The following MAGI2 variants were observed in gnomAD, a reference collection of about 807,000 sequenced individuals.
MAGI2 encodes the protein membrane associated guanylate kinase, WW and PDZ domain containing 2.
A neutral mutation model predicts 133.3 loss-of-function variants in MAGI2; 35 were observed. That is an observed-to-expected ratio of 0.26 (90% CI 0.20 to 0.35). The LOEUF (loss-of-function observed/expected upper bound fraction) is 0.35, where lower values mean the gene tolerates loss of function less well. MAGI2 is among the 10% of genes least tolerant of loss of function. The pLI, the probability that MAGI2 is intolerant of heterozygous loss-of-function variation, is 1.00. For synonymous variants in MAGI2, 729 were observed against 710.6 expected (o/e 1.03, Z -0.41); for missense variants, 1,636 against 1,863.4 (o/e 0.88, Z 2.25).
intron 6 of MAGI2, among the ~76,000 whole-genome samples, chr7:78,396,034 A>T (rs776708530): frequency 6.6e-6 from 1 of 152,214 alleles, no homozygotes; most frequent in Non-Finnish European, 1.5e-5. Context: ...TTAAATCTCC[A>T]GCTCTAGCCC....
At chr7:79,256,013 G>A (rs1486840522) in intron 1 of MAGI2, among the ~76,000 whole-genome samples, 4 of 152,128 alleles carry the variant, frequency 2.6e-5, no homozygotes, top group African/African-American at 7.2e-5. Context: ...AAGCCAAAAT[G>A]CAGCATCATT....
intron 1 of MAGI2, among the ~76,000 whole-genome samples, chr7:79,007,467 G>C (rs1047755250): frequency 6.6e-6 from 1 of 151,998 alleles, no homozygotes; most frequent in African/African-American, 2.4e-5. Context: ...CCTATATCAT[G>C]GTAAAAGATA....
At chr7:79,452,749 T>C in intron 1 of MAGI2, 1 of 416,684 alleles carries the variant, frequency 2.4e-6, no homozygotes, top group Non-Finnish European at 4.2e-6. Flanking sequence ...CCAGCAGCTC[T>C]GAGGAGGTCA....
intron 3 of MAGI2, among the ~76,000 whole-genome samples, chr7:78,607,498 TAAAA>T (rs11318579): frequency 1.1e-4 from 16 of 139,556 alleles, no homozygotes; most frequent in African/African-American, 4.0e-4. Context: ...AAGTCAAACT[TAAAA>T]AAAAAAAAAA....
At chr7:79,173,389 G>A (rs1348195991) in intron 1 of MAGI2, among the ~76,000 whole-genome samples, 1 of 151,768 alleles carries the variant, frequency 6.6e-6, no homozygotes, top group East Asian at 1.9e-4. Context: ...GCAATGGCAC[G>A]ATCATAACTC....
chr7:79,095,172 C>T (rs1047706655), intron 1 of MAGI2, among the ~76,000 whole-genome samples: 1 of 152,188 alleles, frequency 6.6e-6, no homozygotes, highest in Non-Finnish European at 1.5e-5. Flanking sequence ...CTGCGAACTT[C>T]CAACTTTTCA....
At chr7:78,916,545 T>C (rs1459697126) in intron 2 of MAGI2, among the ~76,000 whole-genome samples, 2 of 152,110 alleles carry the variant, frequency 1.3e-5, no homozygotes, top group South Asian at 4.1e-4. Flanking sequence ...TTCACCCTAT[T>C]TGAGGGTCTG....
At chr7:78,874,610 A>T (rs1267793995) in intron 2 of MAGI2, among the ~76,000 whole-genome samples, 1 of 152,224 alleles carries the variant, frequency 6.6e-6, no homozygotes. Context: ...AGAGAGTAGA[A>T]TATCAGTTAC....
At chr7:78,901,141 C>T (rs1189398030) in intron 2 of MAGI2, 1 of 152,138 alleles carries the variant, frequency 6.6e-6, no homozygotes, top group African/African-American at 2.4e-5. Context: ...GTGAAAAAGA[C>T]CCCACTGTAA....
intron 6 of MAGI2, among the ~76,000 whole-genome samples, chr7:78,452,578 AC>A (rs917472894): frequency 2.6e-4 from 39 of 152,056 alleles, no homozygotes; most frequent in African/African-American, 7.2e-4. Flanking sequence ...TGGGAAAAAA[AC>A]CAAGTATGCA....
At chr7:78,163,785 T>C (rs753412876) in intron 15 of MAGI2, among the ~76,000 whole-genome samples, 5 of 151,434 alleles carry the variant, frequency 3.3e-5, no homozygotes, top group Non-Finnish European at 7.4e-5. Context: ...TGGTCGCCTG[T>C]AGTCCCAGCT....
At chr7:79,174,205 C>T (rs1585118226) in intron 1 of MAGI2, among the ~76,000 whole-genome samples, 1 of 151,908 alleles carries the variant, frequency 6.6e-6, no homozygotes, top group East Asian at 1.9e-4. Flanking sequence ...AATACCTCTC[C>T]AATAAATAAT....
chr7:79,130,348 A>G (rs2129545312), intron 1 of MAGI2, among the ~76,000 whole-genome samples: 1 of 152,120 alleles, frequency 6.6e-6, no homozygotes, highest in South Asian at 2.1e-4. Flanking sequence ...AAATACTTGG[A>G]TTTTTTATTT....
intron 3 of MAGI2, among the ~76,000 whole-genome samples, chr7:78,572,475 C>G (rs918765807): frequency 7.9e-5 from 12 of 151,966 alleles, no homozygotes; most frequent in Admixed American, 2.6e-4. Context: ...TCCCAGTATT[C>G]ATATAATTGT....
chr7:78,082,240 T>A (rs1461493767), intron 20 of MAGI2, among the ~76,000 whole-genome samples: 9 of 152,200 alleles, frequency 5.9e-5, no homozygotes, highest in Admixed American at 5.2e-4. Flanking sequence ...CTTGTGTGTT[T>A]ATTTTCCCTT....
At chr7:78,738,999 A>G (rs1473249222) in intron 2 of MAGI2, among the ~76,000 whole-genome samples, 1 of 152,200 alleles carries the variant, frequency 6.6e-6, no homozygotes, top group Non-Finnish European at 1.5e-5. Flanking sequence ...GGAAACAGAA[A>G]ACTAATTTGG....
At position 79,427,098 on chromosome 7, in the gene MAGI2, T is replaced by C. The variant is rs138017661; in HGVS notation, c.301+25922A>G. Among the ~76,000 whole-genome samples the C allele has an allele frequency of 6.3e-4, 96 of 152,308 alleles. No individual in the cohort carries two copies. In the East Asian group the frequency reaches 0.017, roughly 28 times the overall value. ...ACGTAATCTAGACTTTAACTGGCAG[T>C]TTTTGGACACAAACTTTCATTTACA... On this transcript the variant is annotated intron_variant, in intron 1 of 21. Coordinates refer to ENST00000354212, the MANE Select transcript of MAGI2 (RefSeq NM_012301.4).
chr7:78,305,133 T>G (rs912002339), intron 9 of MAGI2, among the ~76,000 whole-genome samples: 1 of 152,220 alleles, frequency 6.6e-6, no homozygotes, highest in Non-Finnish European at 1.5e-5. Context: ...TGAATTGTCA[T>G]GCACTATAGA....
intron 4 of MAGI2, among the ~76,000 whole-genome samples, chr7:78,503,973 G>A (rs1355795121): frequency 2.0e-5 from 3 of 151,660 alleles, no homozygotes; most frequent in Admixed American, 1.3e-4. Flanking sequence ...GCAGTGTGAG[G>A]ATGAACTAAT....
Sources: allele counts gnomAD v4.1 joint callset (sites outside exome capture counted in the v4.1 genomes callset), GRCh38; gene constraint gnomAD v4.1.1; transcripts MANE v1.5; gene names NCBI Gene and HGNC (gene_info 2026-07-23, HGNC 2026-07-21).